The following TCF12 variants were observed in gnomAD, a reference collection of about 807,000 sequenced individuals.
TCF12 encodes the protein DNA-binding protein HTF4.
A neutral mutation model predicts 86.0 loss-of-function variants in TCF12; 45 were observed. The observed-to-expected ratio is 0.52, with a 90% confidence interval of 0.41 to 0.67. TCF12 has a LOEUF of 0.67. Ranked by LOEUF, TCF12 falls within the 30% of genes least tolerant of loss-of-function variation. The probability of loss-of-function intolerance (pLI) is 0.00; values close to 1 mark genes in which losing one functional copy is unlikely to be tolerated. For synonymous variants in TCF12, 330 were observed against 299.6 expected (o/e 1.10, Z -1.05); for missense variants, 881 against 859.9 (o/e 1.02, Z -0.31).
chr15:57,188,662 A>G (rs1341810150), intron 6 of TCF12, among the ~76,000 whole-genome samples: 1 of 152,238 alleles, frequency 6.6e-6, no homozygotes, highest in East Asian at 1.9e-4. Flanking sequence ...ATTGATTTTC[A>G]ACAAGATACC....
At chr15:57,153,603 C>T (rs566655329) in intron 5 of TCF12, among the ~76,000 whole-genome samples, 1 of 152,126 alleles carries the variant, frequency 6.6e-6, no homozygotes, top group African/African-American at 2.4e-5. Flanking sequence ...TAACAGTAAT[C>T]TAAAAGATGG....
rs1224079694 is a variant in TCF12 at position 56,965,670 on chromosome 15, T to C, written c.148+44572T>C. 3.3e-5 allele frequency among the ~76,000 whole-genome samples: 5 copies of C among 152,224 alleles called. No individual in the cohort carries two copies. The East Asian group carries it at 9.6e-4, about 29-fold the overall frequency. ...CCATTTGCTCTTTGCTTTTGTTTACTGAGCAGGTCTAGGGAAATGTCTAGG... is the reference window on the plus strand; with the variant it reads ...CCATTTGCTCTTTGCTTTTGTTTACCGAGCAGGTCTAGGGAAATGTCTAGG... On this transcript the variant is annotated intron_variant, in intron 3 of 20. Coordinates refer to ENST00000333725, the MANE Select transcript of TCF12 (RefSeq NM_207037.2).
At chr15:57,111,049 A>G (rs1276221002) in intron 5 of TCF12, among the ~76,000 whole-genome samples, 1 of 152,208 alleles carries the variant, frequency 6.6e-6, no homozygotes, top group East Asian at 1.9e-4. Flanking sequence ...TTAGTCCCAT[A>G]GATTGGACTT....
At chr15:57,154,517 T>C (rs1375056727) in intron 5 of TCF12, among the ~76,000 whole-genome samples, 2 of 152,226 alleles carry the variant, frequency 1.3e-5, no homozygotes, top group Non-Finnish European at 2.9e-5. Flanking sequence ...TGTTACAAAA[T>C]CTAAAACTCT....
rs538284290 is a variant in TCF12 at position 57,205,795 on chromosome 15, G to A, written c.579+7970G>A. Reference sequence around the variant, plus strand: ...AGTGTCAGAATTAATAGCCTTTAATGTGTAGTTCTAAGATGTTGATTTTTG... The same window carrying A: ...AGTGTCAGAATTAATAGCCTTTAATATGTAGTTCTAAGATGTTGATTTTTG... On this transcript the variant is annotated intron_variant, in intron 8 of 20. Coordinates refer to ENST00000333725, the MANE Select transcript of TCF12 (RefSeq NM_207037.2). 5.3e-5 allele frequency among the ~76,000 whole-genome samples: 8 copies of A among 152,316 alleles called. No individual in the cohort carries two copies. In the East Asian group the frequency reaches 1.5e-3, roughly 29 times the overall value.
At chr15:57,007,207 G>T (rs1300394464) in intron 3 of TCF12, among the ~76,000 whole-genome samples, 1 of 152,034 alleles carries the variant, frequency 6.6e-6, no homozygotes, top group African/African-American at 2.4e-5. Context: ...ATATTCTTCT[G>T]CAAGAAACAG....
chr15:56,967,382 A>G (rs1217315072), intron 3 of TCF12, among the ~76,000 whole-genome samples: 1 of 151,996 alleles, frequency 6.6e-6, no homozygotes, highest in African/African-American at 2.4e-5. Context: ...AATACTTGTC[A>G]AGGACATTTT....
intron 3 of TCF12, among the ~76,000 whole-genome samples, chr15:57,013,841 T>C (rs2064987371): frequency 6.6e-6 from 1 of 152,244 alleles, no homozygotes; most frequent in Non-Finnish European, 1.5e-5. Context: ...GGATGTTTGG[T>C]ATTGACATTT....
intron 6 of TCF12, among the ~76,000 whole-genome samples, chr15:57,174,236 G>A (rs1466112281): frequency 2.0e-5 from 3 of 152,292 alleles, no homozygotes; most frequent in African/African-American, 7.2e-5. Context: ...GTGGTTTGTA[G>A]GAGAAGTGAA....
chr15:57,047,521 C>T (rs1402398779), intron 3 of TCF12, among the ~76,000 whole-genome samples: 1 of 152,066 alleles, frequency 6.6e-6, no homozygotes, highest in Non-Finnish European at 1.5e-5. Flanking sequence ...GGTAGATGAG[C>T]AAAAATTGGT....
chr15:56,918,452 C>T (rs2059599933), upstream of TCF12: 1 of 342,436 alleles, frequency 2.9e-6, no homozygotes, highest in South Asian at 2.1e-5. Context: ...CCTCATGCCC[C>T]TCCCCACCGG....
intron 3 of TCF12, among the ~76,000 whole-genome samples, chr15:56,923,919 C>G (rs1377932260): frequency 5.3e-5 from 8 of 151,674 alleles, no homozygotes; most frequent in Non-Finnish European, 7.4e-5. Context: ...AGTATAGTTT[C>G]TTTTTGCCCA....
At chr15:57,204,156 G>T (rs1284979721) in intron 8 of TCF12, among the ~76,000 whole-genome samples, 1 of 152,146 alleles carries the variant, frequency 6.6e-6, no homozygotes, top group Non-Finnish European at 1.5e-5. Context: ...AGAAAGTGAT[G>T]AGGCCAGGCA....
intron 6 of TCF12, among the ~76,000 whole-genome samples, chr15:57,170,844 G>A (rs138710479): frequency 0.027 from 2,816 of 104,692 alleles, 69 homozygotes; most frequent in South Asian, 0.054. Context: ...GTCTCACTGT[G>A]TTGCCCAGGC....
chr15:57,092,981 G>T (rs2049086596), intron 5 of TCF12, among the ~76,000 whole-genome samples: 1 of 152,146 alleles, frequency 6.6e-6, no homozygotes, highest in African/African-American at 2.4e-5. Context: ...TAGTGTCGAG[G>T]AGACAGAATC....
intron 17 of TCF12, among the ~76,000 whole-genome samples, 189 bp downstream of exon 17, chr15:57,262,397 T>C (rs1280515639): frequency 6.6e-6 from 1 of 152,154 alleles, no homozygotes; most frequent in Non-Finnish European, 1.5e-5. Context: ...CAGATACTTA[T>C]TGATGAATAG....
chr15:57,229,505 T>TA (rs34586241), intron 8 of TCF12, among the ~76,000 whole-genome samples: 105 of 148,290 alleles, frequency 7.1e-4, no homozygotes, highest in African/African-American at 2.0e-3. Flanking sequence ...CCAGTCCATT[T>TA]AAAAAAAAAA....
chr15:57,278,834 T>G (rs2061543651), intron 19 of TCF12, among the ~76,000 whole-genome samples: 1 of 150,790 alleles, frequency 6.6e-6, no homozygotes, highest in African/African-American at 2.4e-5. Flanking sequence ...TTTCTTTCTC[T>G]TTCTCTCTTT....
At chr15:56,961,514 A>AAC (rs1160691725) in intron 3 of TCF12, among the ~76,000 whole-genome samples, 1 of 152,212 alleles carries the variant, frequency 6.6e-6, no homozygotes, top group Non-Finnish European at 1.5e-5. Flanking sequence ...AGCATAGTCA[A>AAC]ACACATAGTA....
Sources: gnomAD v4.1 joint callset for allele counts (sites outside exome capture counted in the v4.1 genomes callset) on GRCh38, gnomAD v4.1.1 for gene constraint, MANE v1.5 for transcripts, NCBI Gene and HGNC (gene_info 2026-07-23, HGNC 2026-07-21) for gene names.